CDH13: variants seen among roughly 807,000 people sequenced by gnomAD.
CDH13 encodes the protein cadherin 13, also known as cadherin-13.
A neutral mutation model predicts 63.8 loss-of-function variants in CDH13; 24 were observed. That is an observed-to-expected ratio of 0.38 (90% CI 0.27 to 0.53). The LOEUF (loss-of-function observed/expected upper bound fraction) is 0.53. Among genes scored for constraint, CDH13 ranks in the 20% least tolerant of loss-of-function variants. CDH13 has a pLI of 0.85. For missense variants in CDH13, 1,049 were observed against 903.1 expected (o/e 1.16, Z -2.07); for synonymous variants, 503 against 355.3 (o/e 1.42, Z -4.67).
intron 4 of CDH13, among the ~76,000 whole-genome samples, chr16:83,197,318 C>T (rs1315514966): frequency 1.3e-5 from 2 of 151,416 alleles, no homozygotes; most frequent in Non-Finnish European, 2.9e-5. Context: ...TACAGACATC[C>T]ATTGTGTAAT....
At chr16:82,652,972 C>T (rs1001926647) in intron 1 of CDH13, among the ~76,000 whole-genome samples, 1 of 152,176 alleles carries the variant, frequency 6.6e-6, no homozygotes, top group African/African-American at 2.4e-5. Flanking sequence ...CATGTGCTGG[C>T]TCTTTGTAGA....
chr16:83,267,818 T>C (rs2088670827), intron 5 of CDH13, among the ~76,000 whole-genome samples: 4 of 152,248 alleles, frequency 2.6e-5, no homozygotes, highest in Admixed American at 2.0e-4. Context: ...CAAGATATTA[T>C]GTTGTCATAG....
At chr16:82,868,347 A>G (rs10781995) in intron 2 of CDH13, among the ~76,000 whole-genome samples, 2 of 151,942 alleles carry the variant, frequency 1.3e-5, no homozygotes, top group Non-Finnish European at 2.9e-5. Flanking sequence ...CTACCAATCC[A>G]TTTGTAACAA....
At position 82,644,735 on chromosome 16, in the gene CDH13, G is replaced by A. The variant is rs180866612; in HGVS notation, c.45+17598G>A. 1.6e-4 allele frequency among the ~76,000 whole-genome samples: 25 copies of A among 152,226 alleles called. No individual in the cohort carries two copies. The highest frequency in any genetic ancestry group is 4.2e-4 in the South Asian group (2 of 4,814). ...GCCAGCTCCCAGGTGACAGGAGTCC[G>A]CTGGGCTCCCTCTGATTCTTAAAGC... is the stretch of plus-strand genomic sequence containing the variant. On this transcript the variant is annotated intron_variant, in intron 1 of 13. Transcript: ENST00000567109. This position sits in a 1 kb window ranked among gnomAD's most constrained non-coding sequence, Gnocchi z 5.7.
At chr16:83,540,202 T>G (rs2075274008) in intron 7 of CDH13, among the ~76,000 whole-genome samples, 1 of 151,878 alleles carries the variant, frequency 6.6e-6, no homozygotes, top group Non-Finnish European at 1.5e-5. Flanking sequence ...GTAGCTGGTG[T>G]TGGAGGCCGA....
intron 8 of CDH13, among the ~76,000 whole-genome samples, chr16:83,611,680 A>G (rs968510529): frequency 1.3e-5 from 2 of 151,934 alleles, no homozygotes; most frequent in African/African-American, 2.4e-5. Context: ...TCCCTTAAGC[A>G]TGACTATAGT....
rs1162079730 is a variant in CDH13 at position 82,735,545 on chromosome 16, T to G, written c.45+108408T>G. Among the ~76,000 whole-genome samples, 5 of 152,380 alleles carry G rather than the reference T, an allele frequency of 3.3e-5. No homozygotes were observed. In the East Asian group the frequency reaches 9.6e-4, roughly 29 times the overall value. ...AATCAAGAAATTGTATTCCATAATT[T>G]GTTTCCAATCTGACAGAGTACTATG... On this transcript the variant is annotated intron_variant, in intron 1 of 13. Transcript: ENST00000567109.
At chr16:83,382,531 A>G (rs945814882) in intron 6 of CDH13, among the ~76,000 whole-genome samples, 6 of 151,984 alleles carry the variant, frequency 3.9e-5, no homozygotes, top group Admixed American at 3.3e-4. Context: ...GTGCTCCATC[A>G]TATCTGCCTC....
chr16:82,797,003 A>T (rs1404574031), intron 1 of CDH13, among the ~76,000 whole-genome samples: 15 of 152,200 alleles, frequency 9.9e-5, no homozygotes, highest in Admixed American at 9.8e-4. Context: ...TCTTCTGCCA[A>T]ACCAGCCTGA....
intron 1 of CDH13, among the ~76,000 whole-genome samples, chr16:82,683,316 C>A (rs1914744822): frequency 6.6e-6 from 1 of 152,286 alleles, no homozygotes; most frequent in Non-Finnish European, 1.5e-5. Flanking sequence ...GCTTATCACC[C>A]CAACCTCCCC....
At chr16:82,946,547 C>A (rs1488750327) in intron 2 of CDH13, among the ~76,000 whole-genome samples, 1 of 151,914 alleles carries the variant, frequency 6.6e-6, no homozygotes, top group East Asian at 1.9e-4. Flanking sequence ...ATGGCAAAAC[C>A]TCATCTCTAC....
chr16:82,815,797 A>G (rs2037677532), intron 1 of CDH13, among the ~76,000 whole-genome samples: 1 of 152,148 alleles, frequency 6.6e-6, no homozygotes, highest in Non-Finnish European at 1.5e-5. Flanking sequence ...TTTAATTTCA[A>G]TAATTTGAGG....
At position 82,793,821 on chromosome 16, in the gene CDH13, G is replaced by A. The variant is rs147289044; in HGVS notation, c.46-64541G>A. Among the ~76,000 whole-genome samples the A allele has an allele frequency of 2.0e-5, 3 of 152,258 alleles. No individual in the cohort carries two copies. The East Asian group carries it at 5.8e-4, about 29-fold the overall frequency. ...AGGCTTAGAGATGACTGCATCTCAGGTGCAACACTTGAAGCAGGAAGATGG... is the reference window on the plus strand; with the variant it reads ...AGGCTTAGAGATGACTGCATCTCAGATGCAACACTTGAAGCAGGAAGATGG... On this transcript the variant is annotated intron_variant, in intron 1 of 13. Transcript: ENST00000567109.
intron 5 of CDH13, among the ~76,000 whole-genome samples, chr16:83,297,377 TTATG>T (rs1175576159): frequency 4.6e-5 from 7 of 152,164 alleles, no homozygotes; most frequent in African/African-American, 1.7e-4. Context: ...ACGTCAATTA[TTATG>T]TGTCAATTAA....
chr16:82,998,421 T>C lies in CDH13; in HGVS notation c.158-33589T>C, dbSNP rs370344922. 8.5e-5 allele frequency among the ~76,000 whole-genome samples: 13 copies of C among 152,308 alleles called. No individual in the cohort carries two copies. The East Asian group carries it at 1.7e-3, about 20-fold the overall frequency. ...TTCTTTTCTATTTTGTTTTGTCCTG[T>C]TTTTTTATAGTGACATGTAACTTTT... On this transcript the variant is annotated intron_variant, in intron 2 of 13. Transcript: ENST00000567109.
chr16:82,695,104 C>T (rs2030106430), intron 1 of CDH13, among the ~76,000 whole-genome samples: 1 of 152,018 alleles, frequency 6.6e-6, no homozygotes, highest in Admixed American at 6.6e-5. Flanking sequence ...GTTCTTGGTA[C>T]CAGAAGCAGC....
chr16:83,676,855 C>T (rs963995122), intron 9 of CDH13, among the ~76,000 whole-genome samples: 2 of 152,214 alleles, frequency 1.3e-5, no homozygotes, highest in African/African-American at 2.4e-5. Context: ...CACTCTGACC[C>T]AACCTGCCAG....
At chr16:83,728,128 G>T (rs182774918) in intron 10 of CDH13, among the ~76,000 whole-genome samples, 1 of 152,270 alleles carries the variant, frequency 6.6e-6, no homozygotes, top group Admixed American at 6.5e-5. Context: ...TGGAAAGGGG[G>T]AACAGCACCG....
At chr16:82,845,847 AGCCAG>A (rs2039235358) in intron 1 of CDH13, among the ~76,000 whole-genome samples, 1 of 152,242 alleles carries the variant, frequency 6.6e-6, no homozygotes, top group South Asian at 2.1e-4. Context: ...CCAGCCAGCA[AGCCAG>A]GCATTCCCAG....
Sources: gnomAD v4.1 joint callset for allele counts (sites outside exome capture counted in the v4.1 genomes callset) on GRCh38, gnomAD v4.1.1 for gene constraint, Gnocchi (gnomAD v3.1) non-coding constraint, MANE v1.5 for transcripts, NCBI Gene and HGNC (gene_info 2026-07-23, HGNC 2026-07-21) for gene names.